The following LYRM4 variants were observed in gnomAD, a reference collection of about 807,000 sequenced individuals.
LYRM4 encodes LYR motif-containing protein 4.
A neutral mutation model predicts 11.7 loss-of-function variants in LYRM4; 9 were observed. The observed-to-expected ratio is 0.77, with a 90% CI of 0.46 to 1.34. LYRM4 has a LOEUF of 1.34. LYRM4 is among the 40% of genes most tolerant of loss of function. The pLI is 0.00. For missense variants in LYRM4, 133 were observed against 112.5 expected, an observed-to-expected ratio of 1.18 and a Z score of -0.82; for synonymous variants, 42 against 40.4, an observed-to-expected ratio of 1.04 and a Z score of -0.15.
At chr6:5,063,044 A>G in the LYRM4 span, among the ~76,000 whole-genome samples, 1 of 152,142 alleles carries the variant, frequency 6.6e-6, no homozygotes, top group Non-Finnish European at 1.5e-5. Flanking sequence ...TTCACAAAGC[A>G]GCTTCCCATG....
chr6:5,163,613 T>C (rs1404975791), intron 2 of LYRM4, among the ~76,000 whole-genome samples: 1 of 130,404 alleles, frequency 7.7e-6, no homozygotes, highest in Non-Finnish European at 1.6e-5. Flanking sequence ...GTCCCAGGAC[T>C]GCATTAATTT....
intron 1 of LYRM4, among the ~76,000 whole-genome samples, chr6:5,237,529 A>G (rs1763620659): frequency 6.6e-6 from 1 of 152,146 alleles, no homozygotes; most frequent in Non-Finnish European, 1.5e-5. Flanking sequence ...ATGTGCTTGA[A>G]TTATCCTGAA....
the LYRM4 span, among the ~76,000 whole-genome samples, chr6:5,057,399 G>A: frequency 6.6e-6 from 1 of 152,136 alleles, no homozygotes; most frequent in Non-Finnish European, 1.5e-5. Flanking sequence ...AGACACCAAG[G>A]GACTCTAGCT....
intron 2 of LYRM4, chr6:5,113,172 C>T (rs11242991): frequency 0.16 from 52,424 of 324,720 alleles, 4,780 homozygotes; most frequent in African/African-American, 0.24. Flanking sequence ...CAGTGGCTTA[C>T]GCCTATAATT....
chr6:5,250,565 T>C (rs535915648), intron 1 of LYRM4, among the ~76,000 whole-genome samples: 2 of 152,322 alleles, frequency 1.3e-5, no homozygotes, highest in Admixed American at 6.5e-5. Context: ...TTAACAATAA[T>C]GAATAATCTT....
intron 1 of LYRM4, among the ~76,000 whole-genome samples, chr6:5,221,047 A>C (rs541476635): frequency 6.6e-6 from 1 of 152,006 alleles, no homozygotes; most frequent in Non-Finnish European, 1.5e-5. Flanking sequence ...GGCTGGTCTC[A>C]AACTCCTGAC....
intron 2 of LYRM4, among the ~76,000 whole-genome samples, chr6:5,152,342 G>A (rs1022789572): frequency 2.0e-5 from 3 of 152,216 alleles, no homozygotes; most frequent in East Asian, 1.9e-4. Context: ...GCAACTAAGC[G>A]ACAACTATGT....
At chr6:5,259,803 C>A (rs1764891991) in intron 1 of LYRM4, among the ~76,000 whole-genome samples, 1 of 151,014 alleles carries the variant, frequency 6.6e-6, no homozygotes, top group African/African-American at 2.4e-5. Flanking sequence ...TTAGTAAAAA[C>A]AAAACAAAAC....
At chr6:5,086,277 G>A in the LYRM4 span, 2 of 1,535,558 alleles carry the variant, frequency 1.3e-6, no homozygotes, top group South Asian at 1.2e-5. Flanking sequence ...TGGACGTGCC[G>A]GCTGAGCTGC....
chr6:5,149,937 T>A (rs73717691), intron 2 of LYRM4, among the ~76,000 whole-genome samples: 15,414 of 152,216 alleles, frequency 0.1, 967 homozygotes, highest in South Asian at 0.23. Context: ...TCCATCACTT[T>A]AAAATAATGT....
Position 5,260,912 on chromosome 6 carries a change from C to G in LYRM4, c.-179G>C. 1 of 1,370,836 alleles carries G rather than the reference C, an allele frequency of 7.3e-7. No individual in the cohort carries two copies. Among genetic ancestry groups the G allele is most frequent in the Non-Finnish European group, 9.4e-7 (1 of 1,067,804 alleles). The allele number at this position is 1,370,836 out of a possible 1,614,324, so 84.9% of individuals were successfully genotyped here. A position where few individuals can be genotyped will look rare whatever the true frequency, so the allele number is the denominator to read the frequency against. On this transcript the variant is annotated 5_prime_UTR_variant, in exon 1 of 3. Coordinates refer to ENST00000330636, the MANE Select transcript of LYRM4 (RefSeq NM_020408.6). ...CCTGCGGATCGCGGACGGCGCCAGG[C>G]GTCCCGCGCCGCTTCGGGGGCGGGC...
intron 2 of LYRM4, among the ~76,000 whole-genome samples, chr6:5,145,747 C>T (rs1166722057): frequency 6.6e-6 from 1 of 152,148 alleles, no homozygotes; most frequent in Non-Finnish European, 1.5e-5. Flanking sequence ...AATATACGCC[C>T]ACTTCACGTG....
chr6:5,090,362 C>G, the LYRM4 span, among the ~76,000 whole-genome samples: 2 of 152,136 alleles, frequency 1.3e-5, no homozygotes, highest in Non-Finnish European at 2.9e-5. This position sits in a 1 kb window ranked among gnomAD's most constrained non-coding sequence, Gnocchi z 4.8. Flanking sequence ...ACAATATTCT[C>G]CCCGGGAAGC....
At chr6:5,195,625 G>T (rs1761007751) in intron 2 of LYRM4, among the ~76,000 whole-genome samples, 1 of 152,154 alleles carries the variant, frequency 6.6e-6, no homozygotes, top group African/African-American at 2.4e-5. Flanking sequence ...CAAAGTGAGA[G>T]ACCCTGTCTC....
At chr6:5,221,599 A>G (rs949332373) in intron 1 of LYRM4, among the ~76,000 whole-genome samples, 13 of 152,250 alleles carry the variant, frequency 8.5e-5, no homozygotes, top group African/African-American at 2.4e-4. Context: ...AGGCTGAGAC[A>G]GGAGAACTGC....
the LYRM4 span, among the ~76,000 whole-genome samples, chr6:5,037,549 C>A: frequency 2.4e-5 from 2 of 82,648 alleles, no homozygotes; most frequent in African/African-American, 6.9e-5. Flanking sequence ...GGGGTCCTGG[C>A]CGGGCAGAGG....
chr6:5,154,538 C>T (rs775182920), intron 2 of LYRM4, among the ~76,000 whole-genome samples: 10 of 151,840 alleles, frequency 6.6e-5, no homozygotes, highest in African/African-American at 9.7e-5. Context: ...CGGATTCGGC[C>T]GGGCGCGGTG....
At chr6:5,248,561 T>C (rs1365949608) in intron 1 of LYRM4, among the ~76,000 whole-genome samples, 1 of 152,242 alleles carries the variant, frequency 6.6e-6, no homozygotes, top group African/African-American at 2.4e-5. Context: ...AGAGTGCTAG[T>C]AGTTCCTTAC....
intron 2 of LYRM4, among the ~76,000 whole-genome samples, chr6:5,158,092 A>G (rs890248770): frequency 1.3e-5 from 2 of 152,200 alleles, no homozygotes; most frequent in African/African-American, 4.8e-5. Flanking sequence ...AAAGGAAGAA[A>G]AATAGCTCCC....
Sources: gnomAD v4.1 joint callset for allele counts (sites outside exome capture counted in the v4.1 genomes callset) on GRCh38, gnomAD v4.1.1 for gene constraint, Gnocchi (gnomAD v3.1) non-coding constraint, MANE v1.5 for transcripts, NCBI Gene and HGNC (gene_info 2026-07-23, HGNC 2026-07-21) for gene names.